Variants in PGK1 observed in about 807,000 individuals in gnomAD.
PGK1 encodes the protein PRP 2.
In PGK1, 3 loss-of-function variants were observed where a neutral mutation model predicts 26.9. The observed-to-expected ratio is 0.11, with a 90% CI of 0.05 to 0.29. The LOEUF is 0.29. PGK1 is among the 10% of genes least tolerant of loss of function. The probability of loss-of-function intolerance (pLI) is 1.00; values close to 1 mark genes in which losing one functional copy is unlikely to be tolerated. For missense variants in PGK1, 270 were observed against 314.7 expected (o/e 0.86, Z 1.07); for synonymous variants, 125 against 115.3 (o/e 1.08, Z -0.54).
chrX:78,120,781 C>G (rs1557247960), intron 6 of PGK1, among the ~76,000 whole-genome samples: 2 of 112,160 alleles, frequency 1.8e-5, no homozygotes, highest in African/African-American at 6.5e-5. Context: ...CAGGCGTGAG[C>G]TTGTGCCCTG....
Position 78,123,339 on chromosome X carries a change from G to A in PGK1, c.901G>A (p.Ala301Thr). The A allele has an allele frequency of 8.3e-7, 1 of 1,210,427 alleles. No homozygotes were observed. The highest frequency in any genetic ancestry group is 1.1e-6 in the Non-Finnish European group (1 of 894,234). ...KFDENAKTGQ[A>T]TVASGIPAGW... The stretch of plus-strand genomic sequence containing the variant: ...TGATGAGAATGCCAAGACTGGCCAA[G>A]CCACTGTGGCTTCTGGCATACCTGC... The change falls in exon 8 of 11, where the codon GCC (alanine) becomes ACC (threonine). Residue 301 changes from alanine (A) to threonine (T), a missense_variant. Coordinates refer to ENST00000373316, the MANE Select transcript of PGK1 (RefSeq NM_000291.4).
intron 1 of PGK1, among the ~76,000 whole-genome samples, chrX:78,108,148 C>T (rs2078281201): frequency 9.0e-6 from 1 of 111,194 alleles, no homozygotes; most frequent in South Asian, 3.8e-4. Flanking sequence ...AAGTCTAATT[C>T]ATTAGTAAGC....
chrX:78,110,956 TTTTTTAA>T (rs1240331344), intron 2 of PGK1, among the ~76,000 whole-genome samples: 32 of 103,005 alleles, frequency 3.1e-4, no homozygotes, highest in African/African-American at 9.7e-4. Context: ...TCTTTTTAAT[TTTTTTAA>T]TTTTTAATTT....
At chrX:78,109,566 C>T (rs1025860013) in intron 1 of PGK1, among the ~76,000 whole-genome samples, 14 of 109,893 alleles carry the variant, frequency 1.3e-4, no homozygotes, top group African/African-American at 4.6e-4. Context: ...AGTATGAATA[C>T]ATACCTAAAA....
chrX:78,113,574 G>A (rs1378497964), intron 2 of PGK1, among the ~76,000 whole-genome samples, 170 bp from the exon 3 acceptor site: 1 of 112,014 alleles, frequency 8.9e-6, no homozygotes, highest in Admixed American at 9.4e-5. Flanking sequence ...TAGGTGGAGG[G>A]TTGGCATTGC....
chrX:78,114,234 A>G (rs1483354732), intron 4 of PGK1, 74 bp downstream of exon 4: 56 of 1,020,559 alleles, frequency 5.5e-5, no homozygotes, highest in Non-Finnish European at 7.5e-5. Context: ...AAGAATAGAG[A>G]AAGCTCATTT....
At position 78,123,338 on chromosome X, in the gene PGK1, A is replaced by C. The variant is rs1242124261; in HGVS notation, c.900A>C (p.Gln300His). ...TTGATGAGAATGCCAAGACTGGCCA[A>C]GCCACTGTGGCTTCTGGCATACCTG... ...DKFDENAKTG[Q>H]ATVASGIPAG... The change falls in exon 8 of 11, where the codon CAA becomes CAC. Residue 300 changes from glutamine to histidine, a missense_variant. This residue lies in a region of PGK1 where 103 missense variants were observed against 114.6 expected (regional missense o/e 0.90). Transcript: ENST00000373316. The C allele has an allele frequency of 2.5e-5, 30 of 1,209,139 alleles. No individual in the cohort carries two copies. Among genetic ancestry groups the C allele is most frequent in the Non-Finnish European group, 3.1e-5 (28 of 894,263 alleles).
intron 4 of PGK1, among the ~76,000 whole-genome samples, chrX:78,115,303 C>T (rs781826421): frequency 2.7e-5 from 3 of 111,174 alleles, no homozygotes; most frequent in Admixed American, 9.6e-5. Context: ...TTGACATTCA[C>T]TATCTAATGG....
At chrX:78,112,014 CATAAG>C (rs1427851931) in intron 2 of PGK1, among the ~76,000 whole-genome samples, 98 of 111,943 alleles carry the variant, frequency 8.8e-4, no homozygotes, top group Non-Finnish European at 1.6e-3. Context: ...ATATTAATAA[CATAAG>C]ATATTTTAAA....
intron 4 of PGK1, among the ~76,000 whole-genome samples, chrX:78,116,185 G>T (rs116427244): frequency 0.019 from 2,115 of 111,089 alleles, 45 homozygotes; most frequent in African/African-American, 0.067. Flanking sequence ...TAAATGGAGG[G>T]GTTATTATGC....
In PGK1 at chrX:78,113,768, C is replaced by T; in HGVS notation, c.141C>T (p.Ile47=). ...NQRIKAAVPS[I]KFCLDNGAKS... ...GGATTAAGGCTGCTGTCCCAAGCAT[C>T]AAATTCTGCTTGGACAATGGAGCCA... Residue 47 remains isoleucine (I), a synonymous_variant, in exon 3 of 11, where the codon ATC becomes ATT. Coordinates refer to ENST00000373316, the MANE Select transcript of PGK1 (RefSeq NM_000291.4). 2 of 1,209,669 alleles carry T rather than the reference C, an allele frequency of 1.7e-6. No individual in the cohort carries two copies. The highest frequency in any genetic ancestry group is 2.2e-6 in the Non-Finnish European group (2 of 893,769).
intron 10 of PGK1, 113 bp from the exon 11 acceptor site, chrX:78,125,677 C>A: frequency 1.4e-6 from 1 of 719,570 alleles, no homozygotes; most frequent in Non-Finnish European, 2.2e-6. Flanking sequence ...CAGCTCCTGG[C>A]CATATATCCT....
At position 78,129,220 on chromosome X, in the gene PGK1, CCTATCTATCTATCTATCTATCTATCTAT is replaced by C. The variant is rs34507245; in HGVS notation, c.*3405_*3432del. On this transcript the variant is annotated 3_prime_UTR_variant, in exon 11 of 11. Coordinates refer to ENST00000373316, the MANE Select transcript of PGK1 (RefSeq NM_000291.4). ...CATAAAGAGCATACCCATGTGTGTA[CCTATCTATCTATCTATCTATCTATCTAT>C]CTATCTATCTATCTGTATATAGATA... The C allele has an allele frequency of 2.0e-5, 2 of 100,064 alleles. No homozygotes were observed. Among genetic ancestry groups the C allele is most frequent in the Non-Finnish European group, 4.0e-5 (2 of 50,147 alleles). 8.2% of individuals were successfully genotyped at this position (100,064 alleles called of 1,213,427 possible).
intron 10 of PGK1, 129 bp downstream of exon 10, chrX:78,125,554 A>G (rs1569550917): frequency 1.8e-6 from 1 of 547,169 alleles, no homozygotes; most frequent in Non-Finnish European, 3.2e-6. Context: ...TGGGCAGTAC[A>G]GAGGAACTTC....
At chrX:78,110,983 T>TTATA (rs782003705) in intron 2 of PGK1, among the ~76,000 whole-genome samples, 28 of 70,679 alleles carry the variant, frequency 4.0e-4, no homozygotes, top group South Asian at 2.1e-3. Context: ...TTTGTAGATT[T>TTATA]TATATATATA....
chrX:78,114,767 A>T (rs2078318800), intron 4 of PGK1, among the ~76,000 whole-genome samples: 1 of 112,063 alleles, frequency 8.9e-6, no homozygotes, highest in Non-Finnish European at 1.9e-5. Context: ...CTCTGTTGGA[A>T]CTACTCACCT....
At chrX:78,109,242 T>C in intron 1 of PGK1, among the ~76,000 whole-genome samples, 1 of 111,857 alleles carries the variant, frequency 8.9e-6, no homozygotes, top group Non-Finnish European at 1.9e-5. Flanking sequence ...ATGTTGTGTG[T>C]ATTGCTTGAA....
At chrX:78,122,284 A>G (rs2078358824) in intron 6 of PGK1, among the ~76,000 whole-genome samples, 1 of 111,263 alleles carries the variant, frequency 9.0e-6, no homozygotes. Flanking sequence ...TTTGTTCAGT[A>G]TATATTTATT....
chrX:78,126,071 T>C lies in PGK1; in HGVS notation c.*241T>C, dbSNP rs2078381898. 1 of 420,556 alleles carries C rather than the reference T, an allele frequency of 2.4e-6. No homozygotes were observed. Among genetic ancestry groups the C allele is most frequent in the Admixed American group, 4.0e-5 (1 of 25,120 alleles). 34.7% of individuals were successfully genotyped at this position (420,556 alleles called of 1,213,427 possible). ...TTAGTGACTAAACCATTGTGCATTC[T>C]AGAGTGCATATATTTATATTTTGCC... On this transcript the variant is annotated 3_prime_UTR_variant, in exon 11 of 11. Transcript: ENST00000373316.
Sources: gnomAD v4.1 joint callset for allele counts (sites outside exome capture counted in the v4.1 genomes callset) on GRCh38, gnomAD v4.1.1 for gene constraint, gnomAD v4.1.1 regional missense constraint, MANE v1.5 for transcripts, NCBI Gene and HGNC (gene_info 2026-07-23, HGNC 2026-07-21) for gene names.